TMC1: variants seen among roughly 807,000 people sequenced by gnomAD.
The protein encoded by TMC1 is transmembrane channel-like protein 1.
TMC1 carries 84 observed loss-of-function variants against 105.8 expected under a neutral mutation model. That is an observed-to-expected ratio of 0.79 (90% CI 0.67 to 0.95). The LOEUF (loss-of-function observed/expected upper bound fraction) is 0.95, where lower values mean the gene tolerates loss of function less well. Among genes scored for constraint, TMC1 ranks in the 40% least tolerant of loss-of-function variants. TMC1 has a pLI of 0.00. For missense variants in TMC1, 817 were observed against 914.1 expected (o/e 0.89, Z 1.37); for synonymous variants, 315 against 311.5 (o/e 1.01, Z -0.12).
intron 8 of TMC1, among the ~76,000 whole-genome samples, chr9:72,736,101 C>A (rs1827293592): frequency 1.3e-5 from 2 of 152,008 alleles, no homozygotes; most frequent in African/African-American, 4.8e-5. Flanking sequence ...AGAGTCTGGA[C>A]TTTGTTTAAA....
rs557411982 is a variant in TMC1, at chr9:72,803,516, G to T, written c.1567-1866G>T. Among the ~76,000 whole-genome samples the T allele has an allele frequency of 6.6e-5, 10 of 152,136 alleles. 1 individual carries two copies. The highest frequency in any genetic ancestry group is 2.2e-4 in the African/African-American group (9 of 41,518). The stretch of plus-strand genomic sequence containing the variant: ...AGATCTAATATCCAGAATCTACAAA[G>T]AACTTAAACAAATTTACGAGAAAAA... On this transcript the variant is annotated intron_variant, in intron 17 of 23. Transcript: ENST00000297784.
chr9:72,572,293 T>G (rs1485085894), intron 1 of TMC1, among the ~76,000 whole-genome samples: 1 of 151,964 alleles, frequency 6.6e-6, no homozygotes, highest in Non-Finnish European at 1.5e-5. Flanking sequence ...GCCTCCCAGG[T>G]GCAAGCAATT....
chr9:72,835,915 G>GTTTTTTTTTTTTTTTTTTTTTTCTTTTTT, intron 23 of TMC1, 36 bp from the exon 24 acceptor site: 2 of 1,314,682 alleles, frequency 1.5e-6, no homozygotes, highest in Non-Finnish European at 2.0e-6. Context: ...CTCTCTCCTT[G>GTTTTTTTTTTTTTTTTTTTTTTCTTTTTT]TTTTTTTTTT....
chr9:72,546,109 C>T (rs1331167819), intron 1 of TMC1, among the ~76,000 whole-genome samples: 1 of 151,130 alleles, frequency 6.6e-6, no homozygotes, highest in African/African-American at 2.4e-5. Context: ...ATGGTGACAC[C>T]CCAGCTCTAC....
chr9:72,816,241 A>T, intron 19 of TMC1, 31 bp downstream of exon 19: 2 of 1,602,512 alleles, frequency 1.2e-6, no homozygotes, highest in Middle Eastern at 1.7e-4. Context: ...CTTATCACTT[A>T]CAGAAAAGCC....
At chr9:72,767,908 G>A (rs1052746386) in intron 12 of TMC1, among the ~76,000 whole-genome samples, 1 of 152,228 alleles carries the variant, frequency 6.6e-6, no homozygotes, top group Non-Finnish European at 1.5e-5. Context: ...AGGGAAAGAT[G>A]AGTGGAGTGT....
intron 8 of TMC1, among the ~76,000 whole-genome samples, chr9:72,702,247 C>T (rs1041281634): frequency 2.0e-5 from 3 of 151,980 alleles, no homozygotes; most frequent in African/African-American, 4.8e-5. Flanking sequence ...ATAAAAATTC[C>T]AAGGACTACC....
intron 7 of TMC1, 61 bp downstream of exon 7, chr9:72,694,775 A>T (rs1031706859): frequency 2.2e-5 from 34 of 1,530,884 alleles, no homozygotes; most frequent in Non-Finnish European, 2.8e-5. Context: ...CTCCTTTCAG[A>T]TACTCTTTGA....
In TMC1 at chr9:72,694,714, C is replaced by T. The variant is rs140482278; in HGVS notation, c.236C>T (p.Ala79Val). The change falls in exon 7 of 24, where the codon GCA (alanine) becomes GTA (valine). Residue 79 changes from alanine (A) to valine (V), a missense_variant and splice_region_variant. Coordinates refer to ENST00000297784, the MANE Select transcript of TMC1 (RefSeq NM_138691.3). ...AGGAGGAGGAGGCTAAAGAGAGGAG[C>T]GTAAGTTAGTTCTGATATTCTTTCA... ...KERRRRLKRG[A>V]EEEEIDEEEL... 25 of 1,605,156 alleles carry T rather than the reference C, an allele frequency of 1.6e-5. No individual in the cohort carries two copies. The highest frequency in any genetic ancestry group is 3.4e-5 in the Admixed American group (2 of 59,008).
chr9:72,641,659 C>G (rs909956409), intron 4 of TMC1, among the ~76,000 whole-genome samples: 1 of 114,756 alleles, frequency 8.7e-6, no homozygotes, highest in Non-Finnish European at 1.8e-5. Flanking sequence ...ACCTTGTGCC[C>G]GTGCATTCAT....
intron 8 of TMC1, among the ~76,000 whole-genome samples, chr9:72,717,789 C>T (rs1826946084): frequency 6.6e-6 from 1 of 152,162 alleles, no homozygotes; most frequent in African/African-American, 2.4e-5. Flanking sequence ...GATCTTTTTG[C>T]AATGAATTTC....
intron 3 of TMC1, among the ~76,000 whole-genome samples, chr9:72,620,939 C>T (rs1825237627): frequency 1.3e-5 from 2 of 152,206 alleles, no homozygotes; most frequent in South Asian, 4.1e-4. Context: ...GGTGTAAACA[C>T]TTGCACCACC....
chr9:72,633,630 G>T (rs1359334268), intron 4 of TMC1, among the ~76,000 whole-genome samples: 1 of 152,148 alleles, frequency 6.6e-6, no homozygotes, highest in Non-Finnish European at 1.5e-5. Flanking sequence ...AGGATTAAAT[G>T]AGTTAATACC....
At chr9:72,798,258 C>T (rs1828406935) in intron 17 of TMC1, among the ~76,000 whole-genome samples, 1 of 152,100 alleles carries the variant, frequency 6.6e-6, no homozygotes. Flanking sequence ...CATTTATACA[C>T]TGTTAGTGGG....
intron 10 of TMC1, among the ~76,000 whole-genome samples, chr9:72,744,610 T>C (rs1463209200): frequency 6.6e-6 from 1 of 152,216 alleles, no homozygotes; most frequent in African/African-American, 2.4e-5. Context: ...GTTTGACTTC[T>C]AGCCAGTCAT....
At chr9:72,541,544 C>T (rs569098230) in intron 1 of TMC1, among the ~76,000 whole-genome samples, 6 of 152,082 alleles carry the variant, frequency 3.9e-5, no homozygotes, top group African/African-American at 4.8e-5. Context: ...AAAAATTAGC[C>T]GGGCATGGTG....
Position 72,727,348 on chromosome 9 carries a change from A to C in TMC1, c.363-12771A>C, listed in dbSNP as rs139271525. On this transcript the variant is annotated intron_variant, in intron 8 of 23. Coordinates refer to ENST00000297784, the MANE Select transcript of TMC1 (RefSeq NM_138691.3). ...GTTTAAGCTGTAGAAAGGAATTCATATATTTCCTTGATTTCTTTTAAACAC... is the reference window on the plus strand; with the variant it reads ...GTTTAAGCTGTAGAAAGGAATTCATCTATTTCCTTGATTTCTTTTAAACAC... 5.0e-3 allele frequency among the ~76,000 whole-genome samples: 755 copies of C among 152,322 alleles called. 6 individuals carry two copies. Among genetic ancestry groups the C allele is most frequent in the African/African-American group, 0.018 (728 of 41,578 alleles).
At chr9:72,702,592 CAAG>C (rs1826662661) in intron 8 of TMC1, among the ~76,000 whole-genome samples, 1 of 151,454 alleles carries the variant, frequency 6.6e-6, no homozygotes, top group Admixed American at 6.6e-5. Context: ...TGAAGGGTGA[CAAG>C]AGAGATGGAG....
At chr9:72,641,258 T>C (rs575367322) in intron 4 of TMC1, among the ~76,000 whole-genome samples, 25 of 152,242 alleles carry the variant, frequency 1.6e-4, no homozygotes, top group African/African-American at 6.0e-4. Context: ...CATGCCCAAC[T>C]AATTTTTGTA....
Sources: gnomAD v4.1 joint callset for allele counts (sites outside exome capture counted in the v4.1 genomes callset) on GRCh38, gnomAD v4.1.1 for gene constraint, MANE v1.5 for transcripts, NCBI Gene and HGNC (gene_info 2026-07-23, HGNC 2026-07-21) for gene names.